RALYL: variants seen among roughly 807,000 people sequenced by gnomAD.
RALYL encodes the protein RNA-binding Raly-like protein.
In RALYL, 29 loss-of-function variants were observed where a neutral mutation model predicts 35.1. That is an observed-to-expected ratio of 0.83 (90% CI 0.61 to 1.13). RALYL has a LOEUF of 1.13. Ranked by LOEUF, RALYL falls within the 50% of genes most tolerant of loss-of-function variation. RALYL has a pLI of 0.00. For missense variants in RALYL, 359 were observed against 360.4 expected, an observed-to-expected ratio of 1.00 and a Z score of 0.03; for synonymous variants, 120 against 127.6, an observed-to-expected ratio of 0.94 and a Z score of 0.40.
At chr8:84,222,833 A>G (rs116933676) in intron 1 of RALYL, among the ~76,000 whole-genome samples, 1 of 152,252 alleles carries the variant, frequency 6.6e-6, no homozygotes, top group Non-Finnish European at 1.5e-5. Context: ...GTCTTTGGTT[A>G]TGAGATGAGA....
chr8:84,847,056 A>G (rs1044845917), intron 4 of RALYL, among the ~76,000 whole-genome samples: 4 of 151,950 alleles, frequency 2.6e-5, no homozygotes, highest in African/African-American at 9.7e-5. Context: ...TTAATTTGGG[A>G]GTTTTCTAAT....
At position 84,544,538 on chromosome 8, in the gene RALYL, A is replaced by G. The variant is rs79053165; in HGVS notation, c.256+14961A>G. Among the ~76,000 whole-genome samples the G allele has an allele frequency of 4.4e-3, 664 of 152,014 alleles. 7 individuals carry two copies. The highest frequency in any genetic ancestry group is 0.016 in the African/African-American group (647 of 41,508). On this transcript the variant is annotated intron_variant, in intron 2 of 8. Transcript: ENST00000521268. ...TGCTCCATGTGCCATAGTTTATTAA[A>G]CCAGACTACTGAGGTGATGACTGAC...
intron 3 of RALYL, among the ~76,000 whole-genome samples, chr8:84,799,746 G>A (rs1378015540): frequency 6.6e-6 from 1 of 152,198 alleles, no homozygotes; most frequent in Non-Finnish European, 1.5e-5. Flanking sequence ...CACGAGGTCA[G>A]GAGATCGAGA....
At chr8:84,765,585 G>A (rs1257363741) in intron 2 of RALYL, among the ~76,000 whole-genome samples, 5 of 152,130 alleles carry the variant, frequency 3.3e-5, no homozygotes, top group Admixed American at 3.3e-4. Context: ...GTTGTTCTGA[G>A]GATCTCAACT....
chr8:84,605,832 C>T (rs1817006671), intron 2 of RALYL, among the ~76,000 whole-genome samples: 1 of 152,126 alleles, frequency 6.6e-6, no homozygotes, highest in Non-Finnish European at 1.5e-5. Flanking sequence ...TTCTGACCTC[C>T]TCTGAAAGGC....
chr8:84,278,474 T>C (rs1244011093), intron 1 of RALYL, among the ~76,000 whole-genome samples: 1 of 152,252 alleles, frequency 6.6e-6, no homozygotes. Context: ...CCTCGTTAAT[T>C]ATGCAAATTT....
At chr8:84,268,561 C>A (rs1383658810) in intron 1 of RALYL, among the ~76,000 whole-genome samples, 1 of 152,090 alleles carries the variant, frequency 6.6e-6, no homozygotes, top group Non-Finnish European at 1.5e-5. Context: ...ATTTCTGTTT[C>A]ACCAAAACAC....
chr8:84,288,873 G>A (rs547146555), intron 1 of RALYL, among the ~76,000 whole-genome samples: 10 of 152,122 alleles, frequency 6.6e-5, no homozygotes, highest in Admixed American at 1.3e-4. Context: ...AATATATACC[G>A]TTTTATGCTG....
intron 2 of RALYL, among the ~76,000 whole-genome samples, chr8:84,537,970 C>T (rs952127861): frequency 6.6e-6 from 1 of 152,142 alleles, no homozygotes; most frequent in Non-Finnish European, 1.5e-5. Flanking sequence ...CCTCATCTTT[C>T]ACTGTCATCA....
chr8:84,296,697 T>C (rs111617043), intron 1 of RALYL, among the ~76,000 whole-genome samples: 3,956 of 147,504 alleles, frequency 0.027, 96 homozygotes, highest in Non-Finnish European at 0.031. Flanking sequence ...AAGTTAAATC[T>C]GCTCCAAGGT....
chr8:84,879,413 A>G (rs759160029), intron 7 of RALYL, among the ~76,000 whole-genome samples: 6 of 152,202 alleles, frequency 3.9e-5, no homozygotes, highest in Non-Finnish European at 7.4e-5. Context: ...TGCACAAAGT[A>G]CTTTCACCAT....
At chr8:84,360,519 T>C (rs139002598) in intron 1 of RALYL, among the ~76,000 whole-genome samples, 73 of 152,306 alleles carry the variant, frequency 4.8e-4, no homozygotes, top group African/African-American at 1.6e-3. Context: ...ATATCGAAGA[T>C]TAATGAATAA....
At chr8:84,328,295 CT>C (rs1175177018) in intron 1 of RALYL, among the ~76,000 whole-genome samples, 10 of 152,058 alleles carry the variant, frequency 6.6e-5, no homozygotes, top group Admixed American at 3.9e-4. Flanking sequence ...CCAAGTCTTC[CT>C]AGGTTGTCTT....
intron 1 of RALYL, among the ~76,000 whole-genome samples, chr8:84,245,115 G>A (rs1491554): frequency 0.027 from 4,147 of 152,244 alleles, 69 homozygotes; most frequent in African/African-American, 0.034. Context: ...TGGGCTGGAA[G>A]TGAACTTCCT....
chr8:84,621,007 C>T (rs1363982001), intron 2 of RALYL, among the ~76,000 whole-genome samples: 1 of 152,186 alleles, frequency 6.6e-6, no homozygotes, highest in Non-Finnish European at 1.5e-5. Context: ...AGCTGTCAGA[C>T]AGGGACATTT....
chr8:84,203,572 A>T (rs1817403325), intron 1 of RALYL, among the ~76,000 whole-genome samples: 1 of 152,086 alleles, frequency 6.6e-6, no homozygotes, highest in African/African-American at 2.4e-5. Flanking sequence ...ATGTTTCATT[A>T]TATGTCTTTG....
At chr8:84,266,901 A>C (rs925052711) in intron 1 of RALYL, among the ~76,000 whole-genome samples, 5 of 146,990 alleles carry the variant, frequency 3.4e-5, no homozygotes, top group Non-Finnish European at 7.4e-5. Flanking sequence ...CGGAGCTTGC[A>C]GTGAGCCGAG....
chr8:84,401,312 G>A (rs2042864239), intron 1 of RALYL, among the ~76,000 whole-genome samples: 1 of 151,706 alleles, frequency 6.6e-6, no homozygotes, highest in Non-Finnish European at 1.5e-5. Flanking sequence ...TTCAGTGTGG[G>A]GAAGGTTTAC....
chr8:84,462,166 G>A lies in RALYL; in HGVS notation c.-23-67133G>A, dbSNP rs144854456. 2.7e-3 allele frequency among the ~76,000 whole-genome samples: 407 copies of A among 150,964 alleles called. 2 individuals are homozygous for A. Among genetic ancestry groups the A allele is most frequent in the African/African-American group, 9.4e-3 (386 of 41,250 alleles). On this transcript the variant is annotated intron_variant, in intron 1 of 8. Transcript: ENST00000521268. Reference sequence around the variant, plus strand: ...TTTTAGCCATTCTAAGGTGTGTAGTGATATCTTGCTGTTGTTTTAATTTCC... The same window carrying A: ...TTTTAGCCATTCTAAGGTGTGTAGTAATATCTTGCTGTTGTTTTAATTTCC...
Sources: gnomAD v4.1 joint callset for allele counts (sites outside exome capture counted in the v4.1 genomes callset) on GRCh38, gnomAD v4.1.1 for gene constraint, MANE v1.5 for transcripts, NCBI Gene and HGNC (gene_info 2026-07-23, HGNC 2026-07-21) for gene names.